IGF2BP3: variants seen among roughly 807,000 people sequenced by gnomAD.
IGF2BP3 encodes the protein insulin-like growth factor 2 mRNA-binding protein 3.
IGF2BP3 carries 9 observed loss-of-function variants against 73.8 expected under a neutral mutation model. That is an observed-to-expected ratio of 0.12 (90% CI 0.07 to 0.21). The LOEUF (loss-of-function observed/expected upper bound fraction) is 0.21. IGF2BP3 is among the 10% of genes least tolerant of loss of function. The probability of loss-of-function intolerance (pLI) is 1.00; values close to 1 mark genes in which losing one functional copy is unlikely to be tolerated. For synonymous variants in IGF2BP3, 258 were observed against 256.7 expected, an observed-to-expected ratio of 1.01 and a Z score of -0.05; for missense variants, 542 against 714.0, an observed-to-expected ratio of 0.76 and a Z score of 2.75.
chr7:23,401,850 T>G (rs1786675958), intron 3 of IGF2BP3, among the ~76,000 whole-genome samples: 1 of 152,072 alleles, frequency 6.6e-6, no homozygotes, highest in Non-Finnish European at 1.5e-5. Context: ...CTGTAAAGCC[T>G]GTAATCCCAG....
intron 5 of IGF2BP3, among the ~76,000 whole-genome samples, chr7:23,359,696 A>G (rs943626870): frequency 1.3e-5 from 2 of 151,842 alleles, no homozygotes; most frequent in Non-Finnish European, 2.9e-5. Context: ...AAAAAATACA[A>G]AAAAAAAGAC....
At chr7:23,367,924 C>T (rs145720522) in intron 3 of IGF2BP3, among the ~76,000 whole-genome samples, 6,099 of 151,938 alleles carry the variant, frequency 0.04, 193 homozygotes, top group South Asian at 0.1. Flanking sequence ...TCCTTGAACC[C>T]GGGAGGCAGA....
intron 10 of IGF2BP3, among the ~76,000 whole-genome samples, chr7:23,337,220 T>TC (rs1463175394): frequency 1.3e-5 from 2 of 152,122 alleles, no homozygotes; most frequent in Admixed American, 6.5e-5. Context: ...AAAGAATTGT[T>TC]CCCCTGAACA....
At chr7:23,391,721 T>A (rs1040614351) in intron 3 of IGF2BP3, among the ~76,000 whole-genome samples, 3 of 152,244 alleles carry the variant, frequency 2.0e-5, no homozygotes, top group Admixed American at 1.3e-4. Flanking sequence ...GAAAAAGTCT[T>A]TTTAAAATGA....
intron 5 of IGF2BP3, among the ~76,000 whole-genome samples, chr7:23,360,051 C>T (rs1583932615): frequency 6.6e-6 from 1 of 150,980 alleles, no homozygotes; most frequent in African/African-American, 2.4e-5. Flanking sequence ...AAGTGAAAAA[C>T]ACAAGATATC....
Position 23,462,492 on chromosome 7 carries a change from G to A in IGF2BP3, c.236+5990C>T, listed in dbSNP as rs1450444555. 4.6e-5 allele frequency among the ~76,000 whole-genome samples: 7 copies of A among 152,080 alleles called. No individual in the cohort carries two copies. In the South Asian group the frequency reaches 1.5e-3, roughly 32 times the overall value. ...TTCTCCTGCCTCAGCCTACCGCGTA[G>A]CTGGGACTAAAGGCGACCGCCACCA... is the stretch of plus-strand genomic sequence containing the variant. On this transcript the variant is annotated intron_variant, in intron 2 of 14. Coordinates refer to ENST00000258729, the MANE Select transcript of IGF2BP3 (RefSeq NM_006547.3).
intron 2 of IGF2BP3, among the ~76,000 whole-genome samples, chr7:23,460,531 CAAA>C (rs11292731): frequency 7.1e-6 from 1 of 140,976 alleles, no homozygotes. Flanking sequence ...AACTCCATCT[CAAA>C]AAAAAAAAAA....
At chr7:23,362,496 AT>A (rs1375442380) in intron 3 of IGF2BP3, 2 of 152,244 alleles carry the variant, frequency 1.3e-5, no homozygotes, top group African/African-American at 4.8e-5. Flanking sequence ...GGGTTGGGAA[AT>A]GTACAATTTG....
intron 10 of IGF2BP3, among the ~76,000 whole-genome samples, chr7:23,339,611 A>G (rs1313304193): frequency 2.6e-5 from 4 of 152,222 alleles, no homozygotes; most frequent in African/African-American, 9.6e-5. Context: ...GTTGATTGGA[A>G]CATGTCACCA....
At chr7:23,327,034 T>C (rs1010995364) in intron 10 of IGF2BP3, among the ~76,000 whole-genome samples, 3 of 151,534 alleles carry the variant, frequency 2.0e-5, no homozygotes, top group African/African-American at 7.3e-5. Flanking sequence ...AACCTGCACA[T>C]TGTGCACATG....
chr7:23,346,859 G>A (rs1228743095), intron 7 of IGF2BP3, among the ~76,000 whole-genome samples: 1 of 152,036 alleles, frequency 6.6e-6, no homozygotes, highest in Non-Finnish European at 1.5e-5. Context: ...CCAAAGTGCT[G>A]GGATTACAGG....
In IGF2BP3 at chr7:23,342,205, G is replaced by A; in HGVS notation, c.1078-16C>T. On this transcript the variant is annotated splice_polypyrimidine_tract_variant and intron_variant, in intron 9 of 14. Transcript: ENST00000258729. Reference sequence around the variant, plus strand: ...GTGCTTGAAGCTGCAACAGTAAAAAGGCCCCTTAATTTGACAATTAAAAGA... The same window carrying A: ...GTGCTTGAAGCTGCAACAGTAAAAAAGCCCCTTAATTTGACAATTAAAAGA... 1 of 1,612,868 alleles carries A rather than the reference G, an allele frequency of 6.2e-7. No homozygotes were observed. Among genetic ancestry groups the A allele is most frequent in the Non-Finnish European group, 8.5e-7 (1 of 1,179,252 alleles).
chr7:23,361,744 A>G lies in IGF2BP3; in HGVS notation c.286-3T>C. 6.2e-7 allele frequency: 1 copy of G among 1,605,236 alleles called. No homozygotes were observed. The highest frequency in any genetic ancestry group is 8.5e-7 in the Non-Finnish European group (1 of 1,175,892). ...TGGACTAGTAAACTATCCAGCACCT[A>G]TCAGGAGGGGGAGAGAAAATTATAA... On this transcript the variant is annotated splice_polypyrimidine_tract_variant and splice_region_variant and intron_variant, in intron 3 of 14. Transcript: ENST00000258729.
At chr7:23,418,686 A>G (rs1787260679) in intron 3 of IGF2BP3, 90 bp downstream of exon 3, 1 of 840,572 alleles carries the variant, frequency 1.2e-6, no homozygotes. Context: ...AGCACACCCA[A>G]GAGTTGAGGA....
chr7:23,402,088 G>A (rs369660545), intron 3 of IGF2BP3, among the ~76,000 whole-genome samples: 60 of 152,336 alleles, frequency 3.9e-4, no homozygotes, highest in East Asian at 1.3e-3. Flanking sequence ...CTGCGCTCCA[G>A]CCTGGGTGAA....
chr7:23,336,370 T>C (rs1317948319), intron 10 of IGF2BP3, among the ~76,000 whole-genome samples: 2 of 151,764 alleles, frequency 1.3e-5, no homozygotes, highest in Non-Finnish European at 1.5e-5. Flanking sequence ...CAAGTATAGA[T>C]ACCAGAATGC....
chr7:23,344,462 T>C (rs1199596553), intron 8 of IGF2BP3, among the ~76,000 whole-genome samples: 2 of 152,200 alleles, frequency 1.3e-5, no homozygotes, highest in African/African-American at 4.8e-5. Context: ...TTTAAAATGG[T>C]TCACCGATGC....
At chr7:23,458,075 C>T (rs1026296858) in intron 2 of IGF2BP3, among the ~76,000 whole-genome samples, 5 of 152,198 alleles carry the variant, frequency 3.3e-5, no homozygotes, top group African/African-American at 4.8e-5. Flanking sequence ...AAAAATACAA[C>T]GGCTTCCATT....
chr7:23,337,388 A>G (rs1045228438), intron 10 of IGF2BP3, among the ~76,000 whole-genome samples: 5 of 152,372 alleles, frequency 3.3e-5, no homozygotes, highest in East Asian at 1.9e-4. Context: ...CTCCTCCAGA[A>G]TTTAGATTCT....
Sources: gnomAD v4.1 joint callset for allele counts (sites outside exome capture counted in the v4.1 genomes callset) on GRCh38, gnomAD v4.1.1 for gene constraint, MANE v1.5 for transcripts, NCBI Gene and HGNC (gene_info 2026-07-23, HGNC 2026-07-21) for gene names.